The following METTL9 variants were observed in gnomAD, a reference collection of about 807,000 sequenced individuals.
METTL9 encodes protein-L-histidine N-pros-methyltransferase.
METTL9 carries 10 observed loss-of-function variants against 36.0 expected under a neutral mutation model. The ratio of observed to expected loss-of-function variants is 0.28; its 90% CI spans 0.17 to 0.47. The LOEUF (loss-of-function observed/expected upper bound fraction) is 0.47. Among genes scored for constraint, METTL9 ranks in the 20% least tolerant of loss-of-function variants. The pLI is 0.99. For synonymous variants in METTL9, 175 were observed against 149.7 expected, an observed-to-expected ratio of 1.17 and a Z score of -1.23; for missense variants, 246 against 383.5, an observed-to-expected ratio of 0.64 and a Z score of 3.00.
At chr16:21,612,948 T>A in intron 2 of METTL9, 113 bp downstream of exon 2, 1 of 934,022 alleles carries the variant, frequency 1.1e-6, no homozygotes, top group Non-Finnish European at 1.5e-6. Flanking sequence ...CTACAATACT[T>A]CTACTAGTCA....
intron 3 of METTL9, among the ~76,000 whole-genome samples, chr16:21,624,246 T>G (rs1167239187): frequency 6.6e-6 from 1 of 152,204 alleles, no homozygotes; most frequent in African/African-American, 2.4e-5. Context: ...TATGATGCAT[T>G]TTTTGATTAA....
At position 21,606,456 on chromosome 16, in the gene METTL9, G is replaced by A. The variant is rs1965291858; in HGVS notation, c.166-6189G>A. ...GGTGAGGTGTGGGAGGTGGTGTAGA[G>A]TTTCTCTTTCCTCTGATGAGCCACC... On this transcript the variant is annotated intron_variant, in intron 1 of 4. Coordinates refer to ENST00000358154, the MANE Select transcript of METTL9 (RefSeq NM_016025.5). 1.3e-5 allele frequency among the ~76,000 whole-genome samples: 2 copies of A among 152,044 alleles called. 1 individual carries two copies.
chr16:21,636,183 C>G (rs903773534), intron 4 of METTL9, among the ~76,000 whole-genome samples: 1 of 152,126 alleles, frequency 6.6e-6, no homozygotes, highest in Non-Finnish European at 1.5e-5. Context: ...CTTTTGTCCT[C>G]ACTTATATGA....
At position 21,605,257 on chromosome 16, in the gene METTL9, C is replaced by CTTTTTTTTTTTTTTTT. The variant is rs3046231; in HGVS notation, c.165+5383_165+5398dup. On this transcript the variant is annotated intron_variant, in intron 1 of 4. Coordinates refer to ENST00000358154, the MANE Select transcript of METTL9 (RefSeq NM_016025.5). ...GGGGTGGTAAAAATAGGCTTGCCTT[C>CTTTTTTTTTTTTTTTT]TTTTTTTTTTTTTTTTTTTTTTTTT... 1.9e-3 allele frequency among the ~76,000 whole-genome samples: 96 copies of CTTTTTTTTTTTTTTTT among 51,220 alleles called. 32 individuals are homozygous for CTTTTTTTTTTTTTTTT. Among genetic ancestry groups the CTTTTTTTTTTTTTTTT allele is most frequent in the Non-Finnish European group, 2.7e-3 (69 of 25,854 alleles). The allele number at this position is 51,220 out of a possible 152,430, so 33.6% of individuals were successfully genotyped here.
Position 21,599,696 on chromosome 16 carries a change from G to A in METTL9, c.-38G>A. ...GCGGTGCCTCCTCCTCCTCGCCCCG[G>A]CGCCGGCGGTGATCCGAGCGAGCGG... On this transcript the variant is annotated 5_prime_UTR_variant, in exon 1 of 5. Transcript: ENST00000358154. This position sits in a 1 kb window ranked among gnomAD's most constrained non-coding sequence, Gnocchi z 4.4. The A allele has an allele frequency of 6.9e-7, 1 of 1,447,010 alleles. No homozygotes were observed. The allele number at this position is 1,447,010 out of a possible 1,614,324, so 89.6% of individuals were successfully genotyped here. A position where few individuals can be genotyped will look rare whatever the true frequency, so the allele number is the denominator to read the frequency against.
chr16:21,644,342 A>G (rs759541983), intron 4 of METTL9: 1 of 1,614,122 alleles, frequency 6.2e-7, no homozygotes, highest in East Asian at 2.2e-5. Context: ...GACAGAGAGC[A>G]GTGATACAAG....
intron 3 of METTL9, 131 bp downstream of exon 3, chr16:21,618,205 G>C: frequency 2.6e-6 from 2 of 762,862 alleles, no homozygotes; most frequent in Non-Finnish European, 4.0e-6. Context: ...GAAATGTAGA[G>C]AAATAATCTT....
intron 1 of METTL9, among the ~76,000 whole-genome samples, chr16:21,604,466 A>G (rs1408231821): frequency 1.3e-5 from 2 of 152,150 alleles, no homozygotes; most frequent in Non-Finnish European, 1.5e-5. Flanking sequence ...GAGGATTGCC[A>G]GTAATTGGTT....
Position 21,655,483 on chromosome 16 carries a change from T to C in METTL9, c.*51T>C, listed in dbSNP as rs1435866771. 2 of 1,480,558 alleles carry C rather than the reference T, an allele frequency of 1.4e-6. No individual in the cohort carries two copies. The highest frequency in any genetic ancestry group is 2.4e-5 in the South Asian group (2 of 83,444). The allele number at this position is 1,480,558 out of a possible 1,614,324, so 91.7% of individuals were successfully genotyped here. On this transcript the variant is annotated 3_prime_UTR_variant, in exon 5 of 5. Coordinates refer to ENST00000358154, the MANE Select transcript of METTL9 (RefSeq NM_016025.5). Reference sequence around the variant, plus strand: ...GTCCGCACCCTCCGGGATGTGCCCTTGGAAGAGGGTCTGTGTTCACAATTA... The same window carrying C: ...GTCCGCACCCTCCGGGATGTGCCCTCGGAAGAGGGTCTGTGTTCACAATTA...
In METTL9 at chr16:21,649,423, C is replaced by T. The variant is rs138925273; in HGVS notation, c.752-5804C>T. The stretch of plus-strand genomic sequence containing the variant: ...GAGGAGGCCTGCAAGCTTCTCTGAG[C>T]TTCGTGTCTGTGGGAGGCCCAGCTC... On this transcript the variant is annotated intron_variant, in intron 4 of 4. Coordinates refer to ENST00000358154, the MANE Select transcript of METTL9 (RefSeq NM_016025.5). Among the ~76,000 whole-genome samples, 92 of 152,280 alleles carry T rather than the reference C, an allele frequency of 6.0e-4. 1 individual carries two copies. Among genetic ancestry groups the T allele is most frequent in the African/African-American group, 2.0e-3 (84 of 41,554 alleles).
chr16:21,618,738 G>C (rs1965619217), intron 3 of METTL9, among the ~76,000 whole-genome samples: 1 of 151,412 alleles, frequency 6.6e-6, no homozygotes, highest in Non-Finnish European at 1.5e-5. Context: ...TTTTGAGATG[G>C]AGTCTTGCTC....
chr16:21,630,494 G>A lies in METTL9; in HGVS notation c.751+5379G>A, dbSNP rs181004839. On this transcript the variant is annotated intron_variant, in intron 4 of 4. Transcript: ENST00000358154. ...GAGAGCGAGCGAGGGCTGCTAGCACGTTGTCACCTCTCAATCCCCCGTCTA... is the reference window on the plus strand; with the variant it reads ...GAGAGCGAGCGAGGGCTGCTAGCACATTGTCACCTCTCAATCCCCCGTCTA... 3.3e-5 allele frequency among the ~76,000 whole-genome samples: 5 copies of A among 152,334 alleles called. 1 individual carries two copies. Among genetic ancestry groups the A allele is most frequent in the Admixed American group, 3.3e-4 (5 of 15,306 alleles).
At position 21,655,336 on chromosome 16, in the gene METTL9, C is replaced by A. The variant is rs139459970; in HGVS notation, c.861C>A (p.Ile287=). The A allele has an allele frequency of 3.1e-6, 5 of 1,614,172 alleles. No homozygotes were observed. Among genetic ancestry groups the A allele is most frequent in the Non-Finnish European group, 4.2e-6 (5 of 1,180,022 alleles). The stretch of plus-strand genomic sequence containing the variant: ...TTTTCAGAAAAGCTGGTTTTGTTAT[C>A]GAAGCTTTCACCAGACTACCATACC... ...PEVFRKAGFV[I]EAFTRLPYLC... Residue 287 remains isoleucine, a synonymous_variant, in exon 5 of 5, where the codon ATC becomes ATA. Transcript: ENST00000358154.
intron 1 of METTL9, among the ~76,000 whole-genome samples, chr16:21,610,373 A>G (rs957362506): frequency 6.6e-6 from 1 of 152,180 alleles, no homozygotes; most frequent in Non-Finnish European, 1.5e-5. Context: ...ATATGAATCT[A>G]TTATCACATC....
At chr16:21,634,760 G>A (rs866919141) in intron 4 of METTL9, among the ~76,000 whole-genome samples, 1 of 152,148 alleles carries the variant, frequency 6.6e-6, no homozygotes, top group African/African-American at 2.4e-5. Context: ...TGATTTGGGC[G>A]ACGGGAGTAT....
At chr16:21,650,848 T>C (rs1280585428) in intron 4 of METTL9, among the ~76,000 whole-genome samples, 2 of 152,340 alleles carry the variant, frequency 1.3e-5, no homozygotes, top group African/African-American at 4.8e-5. Flanking sequence ...GGAATTGTTT[T>C]TTAAACACAG....
Position 21,602,665 on chromosome 16 carries a change from G to GTT in METTL9, c.165+2776_165+2777dup, listed in dbSNP as rs11415914. 4.5e-4 allele frequency among the ~76,000 whole-genome samples: 68 copies of GTT among 149,950 alleles called. 1 individual carries two copies. Among genetic ancestry groups the GTT allele is most frequent in the Middle Eastern group, 3.4e-3 (1 of 290 alleles). On this transcript the variant is annotated intron_variant, in intron 1 of 4. Coordinates refer to ENST00000358154, the MANE Select transcript of METTL9 (RefSeq NM_016025.5). ...TTATTTCAGTGTCTACAAATAAAGT[G>GTT]TTTTTTTTTTGAGATGGAGTCTCGC...
chr16:21,620,850 A>G (rs993860590), intron 3 of METTL9, among the ~76,000 whole-genome samples: 1 of 152,174 alleles, frequency 6.6e-6, no homozygotes, highest in Admixed American at 6.5e-5. Context: ...GAGGTCACCC[A>G]ATCCAAGATG....
chr16:21,640,130 G>A (rs937636370), intron 4 of METTL9: 1 of 151,630 alleles, frequency 6.6e-6, no homozygotes, highest in Non-Finnish European at 1.5e-5. Context: ...TAGTAGAGAC[G>A]GGTTTCATCA....
Sources: gnomAD v4.1 joint callset for allele counts (sites outside exome capture counted in the v4.1 genomes callset) on GRCh38, gnomAD v4.1.1 for gene constraint, Gnocchi (gnomAD v3.1) non-coding constraint, MANE v1.5 for transcripts, NCBI Gene and HGNC (gene_info 2026-07-23, HGNC 2026-07-21) for gene names.